The following WDR43 variants were observed in gnomAD, a reference collection of about 807,000 sequenced individuals.
WDR43 encodes the protein WD repeat-containing protein 43.
A neutral mutation model predicts 91.4 loss-of-function variants in WDR43; 13 were observed. The ratio of observed to expected loss-of-function variants is 0.14; its 90% confidence interval spans 0.09 to 0.23. The LOEUF (loss-of-function observed/expected upper bound fraction) is 0.23, where lower values mean the gene tolerates loss of function less well. WDR43 is among the 10% of genes least tolerant of loss of function. WDR43 has a pLI of 1.00. For missense variants in WDR43, 780 were observed against 809.4 expected (o/e 0.96, Z 0.44); for synonymous variants, 331 against 287.9 (o/e 1.15, Z -1.51).
chr2:28,913,044 C>G (rs1432886638), intron 4 of WDR43, among the ~76,000 whole-genome samples: 1 of 150,094 alleles, frequency 6.7e-6, no homozygotes, highest in African/African-American at 2.5e-5. Context: ...GCTCCGCCTC[C>G]CAGGTTCACC....
intron 4 of WDR43, 55 bp downstream of exon 4, chr2:28,912,765 A>G: frequency 7.5e-6 from 12 of 1,593,084 alleles, no homozygotes; most frequent in Non-Finnish European, 1.0e-5. Context: ...ACACAGAGAA[A>G]GGCAGAAGTT....
At position 28,914,585 on chromosome 2, in the gene WDR43, C is replaced by A. The variant is rs532466922; in HGVS notation, c.746+377C>A. On this transcript the variant is annotated intron_variant, in intron 5 of 17. Transcript: ENST00000407426. ...TTGGCTGTCTCAGAATTTCCAGTAA[C>A]TCCTTTTTGCAGTAGCTGCTATTAA... is the stretch of plus-strand genomic sequence containing the variant. Among the ~76,000 whole-genome samples, 5 of 152,316 alleles carry A rather than the reference C, an allele frequency of 3.3e-5. No individual in the cohort carries two copies. The East Asian group carries it at 9.6e-4, about 29-fold the overall frequency.
rs757582289 is a variant in WDR43 at position 28,928,676 on chromosome 2, T to TTTTG, written c.1306-887_1306-884dup. 3.3e-5 allele frequency among the ~76,000 whole-genome samples: 5 copies of TTTTG among 152,168 alleles called. No individual in the cohort carries two copies. The East Asian group carries it at 5.8e-4, about 18-fold the overall frequency. On this transcript the variant is annotated intron_variant, in intron 10 of 17. Transcript: ENST00000407426. Reference sequence around the variant, plus strand: ...TACAATTGAGGGTGTTTGTTGTTGTTTTTGTTTGTTTGTTTGTTTTTTGGA... The same window carrying TTTTG: ...TACAATTGAGGGTGTTTGTTGTTGTTTTTGTTTGTTTGTTTGTTTGTTTTTTGGA...
chr2:28,934,793 G>C (rs1477124912), intron 11 of WDR43, among the ~76,000 whole-genome samples: 1 of 152,076 alleles, frequency 6.6e-6, no homozygotes, highest in Non-Finnish European at 1.5e-5. Flanking sequence ...TTTCTATTCT[G>C]AGCATATTTA....
chr2:28,922,536 GAAGAGAGGCGATGAGGTCTTAC>G (rs547337356), intron 6 of WDR43, among the ~76,000 whole-genome samples: 35 of 152,324 alleles, frequency 2.3e-4, no homozygotes, highest in African/African-American at 8.4e-4. Flanking sequence ...GGGGATGGAG[GAAGAGAGGCGATGAGGTCTTAC>G]AACACCCCTT....
intron 3 of WDR43, among the ~76,000 whole-genome samples, chr2:28,911,512 T>G (rs1670799740): frequency 6.6e-6 from 1 of 152,132 alleles, no homozygotes; most frequent in Non-Finnish European, 1.5e-5. Context: ...GCCAGGATGG[T>G]CTCGATCTCC....
intron 14 of WDR43, 114 bp downstream of exon 14, chr2:28,938,108 C>A: frequency 9.3e-7 from 1 of 1,074,528 alleles, no homozygotes; most frequent in Non-Finnish European, 1.4e-6. Context: ...ATCCTTCAGC[C>A]GTTAGATGCT....
At chr2:28,921,259 C>A (rs919231941) in intron 6 of WDR43, among the ~76,000 whole-genome samples, 1 of 151,852 alleles carries the variant, frequency 6.6e-6, no homozygotes, top group African/African-American at 2.4e-5. Context: ...TCCTGAGTAG[C>A]TGGGACTACA....
At position 28,922,995 on chromosome 2, in the gene WDR43, A is replaced by C; in HGVS notation, c.914+12A>C. ...CACATATTAAATGGGTAAGTAAGAA[A>C]TTTTCCAAGTAAGAAATTTGTTTCT... On this transcript the variant is annotated intron_variant, in intron 7 of 17. Transcript: ENST00000407426. 1 of 1,607,036 alleles carries C rather than the reference A, an allele frequency of 6.2e-7. No homozygotes were observed. The highest frequency in any genetic ancestry group is 1.1e-5 in the South Asian group (1 of 89,424).
chr2:28,902,959 A>G (rs1438113799), intron 2 of WDR43, among the ~76,000 whole-genome samples: 4 of 152,184 alleles, frequency 2.6e-5, no homozygotes, highest in Admixed American at 6.5e-5. Flanking sequence ...ACATTTGTCT[A>G]TAGGAAATTT....
At chr2:28,900,466 G>A (rs1388211016) in intron 1 of WDR43, among the ~76,000 whole-genome samples, 3 of 152,222 alleles carry the variant, frequency 2.0e-5, no homozygotes, top group Non-Finnish European at 4.4e-5. Context: ...ACAGGCGTGA[G>A]CCACCACACT....
chr2:28,919,529 G>A (rs1298216824), intron 6 of WDR43, among the ~76,000 whole-genome samples: 8 of 151,968 alleles, frequency 5.3e-5, no homozygotes, highest in East Asian at 1.9e-4. Context: ...GGTGGCGGGC[G>A]CCTGTAGTCC....
intron 2 of WDR43, among the ~76,000 whole-genome samples, chr2:28,904,038 C>T (rs913841557): frequency 3.9e-5 from 6 of 152,078 alleles, no homozygotes; most frequent in African/African-American, 9.7e-5. Flanking sequence ...CTCCTGGCCT[C>T]GTGTGATCTG....
chr2:28,921,667 G>A (rs952128907), intron 6 of WDR43, among the ~76,000 whole-genome samples: 1 of 152,118 alleles, frequency 6.6e-6, no homozygotes, highest in Non-Finnish European at 1.5e-5. Flanking sequence ...GCAGAACGGG[G>A]AACTAGAAAA....
intron 5 of WDR43, among the ~76,000 whole-genome samples, chr2:28,917,103 C>CA (rs1670925706): frequency 6.6e-6 from 1 of 151,908 alleles, no homozygotes; most frequent in South Asian, 2.1e-4. Context: ...CACAAAAATG[C>CA]AAAAAACATG....
At chr2:28,905,932 T>G (rs1670670353) in intron 2 of WDR43, among the ~76,000 whole-genome samples, 1 of 152,194 alleles carries the variant, frequency 6.6e-6, no homozygotes, top group Non-Finnish European at 1.5e-5. Context: ...GTGCTGGGAT[T>G]ACAGGCGTGA....
At chr2:28,926,943 G>T in intron 9 of WDR43, 1 of 407,846 alleles carries the variant, frequency 2.5e-6, no homozygotes, top group East Asian at 6.0e-5. Flanking sequence ...AAACCGTCAT[G>T]GGGCTAGAAT....
At chr2:28,938,144 G>C (rs4233731) in intron 14 of WDR43, 150 bp downstream of exon 14, 2 of 765,906 alleles carry the variant, frequency 2.6e-6, no homozygotes, top group Non-Finnish European at 4.1e-6. Flanking sequence ...GTTTTACCCC[G>C]GGTGCAATGA....
At chr2:28,913,039 G>A (rs1291713053) in intron 4 of WDR43, among the ~76,000 whole-genome samples, 2 of 137,872 alleles carry the variant, frequency 1.5e-5, no homozygotes, top group East Asian at 2.2e-4. Context: ...TGCAAGCTCC[G>A]CCTCCCAGGT....
Sources: allele counts gnomAD v4.1 joint callset (sites outside exome capture counted in the v4.1 genomes callset), GRCh38; gene constraint gnomAD v4.1.1; transcripts MANE v1.5; gene names NCBI Gene and HGNC (gene_info 2026-07-23, HGNC 2026-07-21).